DGKG: variants seen among roughly 807,000 people sequenced by gnomAD.
DGKG encodes DAG kinase gamma.
DGKG carries 78 observed loss-of-function variants against 105.3 expected under a neutral mutation model. That is an observed-to-expected ratio of 0.74 (90% CI 0.62 to 0.89). The LOEUF (loss-of-function observed/expected upper bound fraction) is 0.89. DGKG is among the 40% of genes least tolerant of loss of function. The pLI is 0.00. For synonymous variants in DGKG, 346 were observed against 367.1 expected (o/e 0.94, Z 0.66); for missense variants, 958 against 1,020.1 (o/e 0.94, Z 0.83).
chr3:186,335,945 T>C (rs1725813586), intron 1 of DGKG, among the ~76,000 whole-genome samples: 1 of 152,170 alleles, frequency 6.6e-6, no homozygotes, highest in African/African-American at 2.4e-5. Context: ...ACTATACATA[T>C]TTGTAGTAGG....
At chr3:186,337,686 A>T (rs1725895594) in intron 1 of DGKG, among the ~76,000 whole-genome samples, 3 of 152,196 alleles carry the variant, frequency 2.0e-5, no homozygotes, top group Admixed American at 2.0e-4. Flanking sequence ...CAAATCTGTC[A>T]TTATTTTTAA....
At chr3:186,259,859 C>T (rs1212992554) in intron 16 of DGKG, among the ~76,000 whole-genome samples, 1 of 152,214 alleles carries the variant, frequency 6.6e-6, no homozygotes, top group Non-Finnish European at 1.5e-5. Context: ...GGCCTCTTTA[C>T]AACCCCATGC....
In DGKG at chr3:186,308,662, T is replaced by C. The variant is rs143039896; in HGVS notation, c.68-1685A>G. ...GGAAAATGCTTCTGTTGCCTAAAAA[T>C]GGAAATTTCTTTCTGAAATTCAAAA... On this transcript the variant is annotated intron_variant, in intron 2 of 24. Coordinates refer to ENST00000265022, the MANE Select transcript of DGKG (RefSeq NM_001346.3). Among the ~76,000 whole-genome samples the C allele has an allele frequency of 7.2e-5, 11 of 152,294 alleles. No homozygotes were observed. The East Asian group carries it at 2.1e-3, about 29-fold the overall frequency.
At chr3:186,260,673 G>A (rs945919254) in intron 15 of DGKG, among the ~76,000 whole-genome samples, 160 bp from the exon 16 acceptor site, 2 of 152,166 alleles carry the variant, frequency 1.3e-5, no homozygotes, top group Non-Finnish European at 2.9e-5. Flanking sequence ...TGACCCTGGC[G>A]TCCAGGTTCC....
chr3:186,148,718 A>G lies in DGKG; in HGVS notation c.*1372T>C. The G allele has an allele frequency of 1.0e-6, 1 of 984,982 alleles. No individual in the cohort carries two copies. Among genetic ancestry groups the G allele is most frequent in the Non-Finnish European group, 1.2e-6 (1 of 829,498 alleles). The allele number at this position is 984,982 out of a possible 1,614,324, so 61.0% of individuals were successfully genotyped here. A position where few individuals can be genotyped will look rare whatever the true frequency, so the allele number is the denominator to read the frequency against. The stretch of plus-strand genomic sequence containing the variant: ...ATCTGACAAATGGGAGAGTAAATCC[A>G]GCCCAGCAGGTCTTTCATGCTTGTT... On this transcript the variant is annotated 3_prime_UTR_variant, in exon 25 of 25. Transcript: ENST00000265022.
rs895368022 is a variant in DGKG at position 186,203,063 on chromosome 3, G to T, written c.1917+8732C>A. On this transcript the variant is annotated intron_variant, in intron 21 of 24. Transcript: ENST00000265022. The surrounding 1 kb of genome is among the most constrained non-coding windows in gnomAD (Gnocchi z 4.9). ...ACATTAGTAAGAAATAAAAAAGAGG[G>T]TCATTTAAGAAAAAGAAAAAGTTTT... Among the ~76,000 whole-genome samples the T allele has an allele frequency of 6.6e-6, 1 of 152,090 alleles. No homozygotes were observed. The highest frequency in any genetic ancestry group is 1.5e-5 in the Non-Finnish European group (1 of 68,006).
At chr3:186,340,921 T>C (rs2108660348) in intron 1 of DGKG, among the ~76,000 whole-genome samples, 1 of 152,320 alleles carries the variant, frequency 6.6e-6, no homozygotes, top group East Asian at 1.9e-4. Context: ...TAGGGGCTTC[T>C]TAATGGCCCT....
At chr3:186,188,841 G>A (rs1192826440) in intron 21 of DGKG, among the ~76,000 whole-genome samples, 1 of 152,006 alleles carries the variant, frequency 6.6e-6, no homozygotes, top group Non-Finnish European at 1.5e-5. Context: ...TTGAGATGGA[G>A]TCTTGCTCTG....
intron 1 of DGKG, among the ~76,000 whole-genome samples, chr3:186,360,697 G>T (rs1236577408): frequency 2.0e-5 from 3 of 152,126 alleles, no homozygotes; most frequent in Admixed American, 6.5e-5. Flanking sequence ...CCAGCAAGTG[G>T]CTCTGCCAGC....
intron 17 of DGKG, chr3:186,257,649 G>A (rs918230307): frequency 3.3e-5 from 17 of 512,108 alleles, no homozygotes; most frequent in Non-Finnish European, 3.9e-5. Context: ...TGTTACCTCC[G>A]TATTGGAGGG....
chr3:186,333,210 C>T (rs545984606), intron 1 of DGKG, among the ~76,000 whole-genome samples: 129 of 152,166 alleles, frequency 8.5e-4, no homozygotes, highest in Non-Finnish European at 1.5e-3. Flanking sequence ...TCAGCACCAC[C>T]GGGGGAACGT....
chr3:186,219,024 G>T (rs945235244), intron 20 of DGKG, among the ~76,000 whole-genome samples: 1 of 151,672 alleles, frequency 6.6e-6, no homozygotes, highest in Non-Finnish European at 1.5e-5. Flanking sequence ...AACAAGAGTT[G>T]AATTATAATT....
chr3:186,279,744 T>A (rs1722745241), intron 9 of DGKG, 107 bp downstream of exon 9: 1 of 1,351,526 alleles, frequency 7.4e-7, no homozygotes, highest in African/African-American at 1.5e-5. Context: ...TCATGGCACG[T>A]CTGTTGGGCA....
chr3:186,340,425 A>G (rs1156531773), intron 1 of DGKG, among the ~76,000 whole-genome samples: 2 of 152,188 alleles, frequency 1.3e-5, no homozygotes, highest in African/African-American at 4.8e-5. Flanking sequence ...ACCCAATTGG[A>G]GGGACTGGCT....
At chr3:186,182,923 C>G (rs1560084149) in intron 22 of DGKG, among the ~76,000 whole-genome samples, 2 of 152,076 alleles carry the variant, frequency 1.3e-5, no homozygotes, top group Non-Finnish European at 2.9e-5. Context: ...GCAGGGAAAA[C>G]ATATGATGAG....
chr3:186,174,685 TG>T (rs1716990844), intron 22 of DGKG, among the ~76,000 whole-genome samples: 1 of 132,982 alleles, frequency 7.5e-6, no homozygotes, highest in Non-Finnish European at 1.6e-5. Context: ...TGTGTGTGTG[TG>T]TGTGTGTGTG....
At chr3:186,354,437 T>G (rs1726806913) in intron 1 of DGKG, among the ~76,000 whole-genome samples, 1 of 152,202 alleles carries the variant, frequency 6.6e-6, no homozygotes, top group Non-Finnish European at 1.5e-5. Flanking sequence ...CGACACTGTT[T>G]ATTCCCAAGG....
intron 22 of DGKG, among the ~76,000 whole-genome samples, chr3:186,185,044 A>G (rs1046925946): frequency 1.3e-5 from 2 of 152,242 alleles, no homozygotes; most frequent in African/African-American, 2.4e-5. Flanking sequence ...CTTATTTTAC[A>G]GATACAGAAA....
At chr3:186,316,626 G>C (rs922044194) in intron 2 of DGKG, among the ~76,000 whole-genome samples, 1 of 152,022 alleles carries the variant, frequency 6.6e-6, no homozygotes, top group Non-Finnish European at 1.5e-5. Flanking sequence ...ATGTATGTAC[G>C]TTTACATACA....
Sources: gnomAD v4.1 joint callset for allele counts (sites outside exome capture counted in the v4.1 genomes callset) on GRCh38, gnomAD v4.1.1 for gene constraint, Gnocchi (gnomAD v3.1) non-coding constraint, MANE v1.5 for transcripts, NCBI Gene and HGNC (gene_info 2026-07-23, HGNC 2026-07-21) for gene names.